Variants in CHRNB3 observed in about 807,000 individuals in gnomAD.
CHRNB3 encodes cholinergic receptor nicotinic beta 3 subunit, also known as neuronal acetylcholine receptor subunit beta-3.
A neutral mutation model predicts 40.6 loss-of-function variants in CHRNB3; 37 were observed. The observed-to-expected ratio is 0.91, with a 90% CI of 0.70 to 1.20. The LOEUF (loss-of-function observed/expected upper bound fraction) is 1.20. CHRNB3 is among the 50% of genes most tolerant of loss of function. The pLI is 0.00. For synonymous variants in CHRNB3, 207 were observed against 207.1 expected (o/e 1.00, Z 0.00); for missense variants, 505 against 551.2 (o/e 0.92, Z 0.84).
intron 3 of CHRNB3, among the ~76,000 whole-genome samples, chr8:42,716,257 G>C (rs1317095500): frequency 6.6e-6 from 1 of 152,058 alleles, no homozygotes; most frequent in Non-Finnish European, 1.5e-5. Flanking sequence ...GATTACAGGC[G>C]TGAGCCACTG....
intron 2 of CHRNB3, among the ~76,000 whole-genome samples, chr8:42,709,804 G>A (rs1301138370): frequency 6.6e-6 from 1 of 152,116 alleles, no homozygotes; most frequent in Non-Finnish European, 1.5e-5. Context: ...GCTAATTTTT[G>A]TATTTTTAGT....
intron 2 of CHRNB3, among the ~76,000 whole-genome samples, chr8:42,709,997 G>A (rs1338073824): frequency 6.6e-6 from 1 of 152,110 alleles, no homozygotes; most frequent in African/African-American, 2.4e-5. Context: ...ACAATGAACT[G>A]CTACTTGTTT....
At chr8:42,704,028 C>G (rs530287583) in intron 1 of CHRNB3, among the ~76,000 whole-genome samples, 83 of 152,166 alleles carry the variant, frequency 5.5e-4, no homozygotes, top group Admixed American at 1.8e-3. Context: ...TTGGTCAGAA[C>G]AGATTTGCAT....
chr8:42,710,115 T>G (rs953239852), intron 2 of CHRNB3, among the ~76,000 whole-genome samples: 10 of 152,184 alleles, frequency 6.6e-5, no homozygotes, highest in Non-Finnish European at 8.8e-5. Context: ...CTTTTGCACT[T>G]TTAACACCTC....
At chr8:42,716,252 C>A (rs1816102401) in intron 3 of CHRNB3, among the ~76,000 whole-genome samples, 1 of 152,264 alleles carries the variant, frequency 6.6e-6, no homozygotes, top group East Asian at 1.9e-4. Flanking sequence ...GCTGGGATTA[C>A]AGGCGTGAGC....
chr8:42,716,566 C>A (rs956614789), intron 3 of CHRNB3, among the ~76,000 whole-genome samples: 2 of 152,030 alleles, frequency 1.3e-5, no homozygotes, highest in African/African-American at 4.8e-5. Context: ...TTTATACCCA[C>A]CTTTAATTAT....
intron 3 of CHRNB3, among the ~76,000 whole-genome samples, chr8:42,714,709 C>T (rs943991529): frequency 3.9e-5 from 6 of 152,266 alleles, no homozygotes; most frequent in Non-Finnish European, 5.9e-5. Context: ...AACTGTGTAA[C>T]GGGAATAATC....
At chr8:42,719,800 G>A (rs147434087) in intron 3 of CHRNB3, among the ~76,000 whole-genome samples, 3 of 152,152 alleles carry the variant, frequency 2.0e-5, no homozygotes, top group African/African-American at 2.4e-5. Context: ...TCAGTGACTC[G>A]TCCAAGTTGT....
At chr8:42,699,986 G>T (rs982213053) in intron 1 of CHRNB3, among the ~76,000 whole-genome samples, 2 of 148,890 alleles carry the variant, frequency 1.3e-5, no homozygotes, top group Non-Finnish European at 3.0e-5. Context: ...AATCGTCTTT[G>T]CTGAGATTTG....
chr8:42,725,870 C>A (rs570714402), intron 3 of CHRNB3: 2 of 813,110 alleles, frequency 2.5e-6, no homozygotes, highest in Admixed American at 3.4e-5. Context: ...GTGACTTTTA[C>A]AAAGACACCA....
chr8:42,717,375 A>AG, intron 3 of CHRNB3, among the ~76,000 whole-genome samples: 1 of 32,334 alleles, frequency 3.1e-5, no homozygotes, highest in Non-Finnish European at 6.4e-5. Context: ...CTCCGTCTCA[A>AG]AAAAAAAAAA....
At chr8:42,709,380 GC>G (rs1347613740) in intron 2 of CHRNB3, among the ~76,000 whole-genome samples, 1 of 149,738 alleles carries the variant, frequency 6.7e-6, no homozygotes, top group Non-Finnish European at 1.5e-5. Context: ...TTTTGAGCTT[GC>G]CTTTCTGTCA....
chr8:42,705,484 T>C (rs569613044), intron 1 of CHRNB3: 1 of 152,138 alleles, frequency 6.6e-6, no homozygotes, highest in African/African-American at 2.4e-5. Context: ...ATGGGAGGGG[T>C]TGGCACCCTC....
chr8:42,728,864 A>G (rs902513943), intron 3 of CHRNB3, among the ~76,000 whole-genome samples: 3 of 152,188 alleles, frequency 2.0e-5, no homozygotes, highest in Non-Finnish European at 4.4e-5. Flanking sequence ...ATAAAGTGGA[A>G]TTGAAACAAA....
At chr8:42,720,901 G>T (rs768880022) in intron 3 of CHRNB3, among the ~76,000 whole-genome samples, 11 of 152,258 alleles carry the variant, frequency 7.2e-5, no homozygotes, top group Non-Finnish European at 1.5e-4. Context: ...TTGCAGGATA[G>T]AACTGGGTGT....
intron 5 of CHRNB3, among the ~76,000 whole-genome samples, chr8:42,735,136 T>C (rs964312323): frequency 1.3e-5 from 2 of 149,486 alleles, no homozygotes; most frequent in Non-Finnish European, 3.0e-5. Context: ...AGGAGAATGG[T>C]GTGAACCCGG....
At position 42,697,465 on chromosome 8, in the gene CHRNB3, T is replaced by A; in HGVS notation, c.-82T>A. The A allele has an allele frequency of 1.6e-6, 2 of 1,276,672 alleles. No homozygotes were observed. The allele number at this position is 1,276,672 out of a possible 1,614,324, so 79.1% of individuals were successfully genotyped here. A position where few individuals can be genotyped will look rare whatever the true frequency, so the allele number is the denominator to read the frequency against. On this transcript the variant is annotated 5_prime_UTR_variant, in exon 1 of 6. Transcript: ENST00000289957. ...CACTTCGGATTTTGAACCCCTGTAT[T>A]TTCTTTTCAAAACCCCCTTTTCCAG...
chr8:42,723,646 T>C (rs1169431529), intron 3 of CHRNB3, among the ~76,000 whole-genome samples: 3 of 152,164 alleles, frequency 2.0e-5, no homozygotes, highest in South Asian at 2.1e-4. Context: ...GCAGGGCACC[T>C]CTGGAGTAGT....
intron 3 of CHRNB3, among the ~76,000 whole-genome samples, chr8:42,725,394 ACT>A (rs534559727): frequency 7.8e-4 from 118 of 152,186 alleles, no homozygotes; most frequent in African/African-American, 2.8e-3. Context: ...CCGGCCAGCT[ACT>A]GTCTTTTCTT....
Sources: gnomAD v4.1 joint callset for allele counts (sites outside exome capture counted in the v4.1 genomes callset) on GRCh38, gnomAD v4.1.1 for gene constraint, MANE v1.5 for transcripts, NCBI Gene and HGNC (gene_info 2026-07-23, HGNC 2026-07-21) for gene names.